The following ANO10 variants were observed in gnomAD, a reference collection of about 807,000 sequenced individuals.
ANO10 encodes anoctamin-10.
A neutral mutation model predicts 74.7 loss-of-function variants in ANO10; 77 were observed. The observed-to-expected ratio is 1.03, with a 90% CI of 0.86 to 1.25. The LOEUF (loss-of-function observed/expected upper bound fraction) is 1.25. Ranked by LOEUF, ANO10 falls within the 50% of genes most tolerant of loss-of-function variation. The pLI is 0.00. For synonymous variants in ANO10, 279 were observed against 284.9 expected, an observed-to-expected ratio of 0.98 and a Z score of 0.21; for missense variants, 721 against 778.1, an observed-to-expected ratio of 0.93 and a Z score of 0.87.
chr3:43,560,758 A>G (rs528291367), intron 9 of ANO10, among the ~76,000 whole-genome samples: 148 of 152,320 alleles, frequency 9.7e-4, no homozygotes, highest in Middle Eastern at 3.4e-3. Flanking sequence ...GAACTGTTTT[A>G]TATTTATACA....
chr3:43,660,896 T>C (rs995300531), intron 1 of ANO10, among the ~76,000 whole-genome samples: 1 of 152,078 alleles, frequency 6.6e-6, no homozygotes, highest in Non-Finnish European at 1.5e-5. Flanking sequence ...GGAGGTTGCG[T>C]TGAGCCGAGA....
intron 11 of ANO10, among the ~76,000 whole-genome samples, chr3:43,469,852 A>G (rs1268041098): frequency 6.6e-6 from 1 of 152,058 alleles, no homozygotes; most frequent in Non-Finnish European, 1.5e-5. Flanking sequence ...TCTTTCTTAG[A>G]TAGACAGGAA....
intron 11 of ANO10, among the ~76,000 whole-genome samples, chr3:43,443,871 C>A (rs1025165213): frequency 6.6e-6 from 1 of 151,514 alleles, no homozygotes; most frequent in Non-Finnish European, 1.5e-5. Flanking sequence ...TTAGTAGAGA[C>A]GGGTTTCACC....
At chr3:43,683,282 C>T (rs916821250) in intron 1 of ANO10, among the ~76,000 whole-genome samples, 9 of 152,086 alleles carry the variant, frequency 5.9e-5, no homozygotes, top group Admixed American at 2.6e-4. Flanking sequence ...TCTTATACAC[C>T]AATAACAGAC....
chr3:43,580,315 C>T (rs1456058765), intron 5 of ANO10, 38 bp downstream of exon 5: 1 of 1,612,662 alleles, frequency 6.2e-7, no homozygotes, highest in African/African-American at 1.3e-5. Flanking sequence ...TCATCAGAGG[C>T]CTTCCTCTTC....
chr3:43,679,067 G>A lies in ANO10; in HGVS notation c.-12+12450C>T, dbSNP rs367990447. Among the ~76,000 whole-genome samples, 14 of 152,240 alleles carry A rather than the reference G, an allele frequency of 9.2e-5. No individual in the cohort carries two copies. In the East Asian group the frequency reaches 1.6e-3, roughly 17 times the overall value. On this transcript the variant is annotated intron_variant, in intron 1 of 3. Coordinates refer to the ANO10 transcript ENST00000413397. ...TTCCAACTGAGGTACCGGGTTTATC[G>A]CACTGGGGAGTGTCGGACAGTGGGT...
At chr3:43,442,253 A>G (rs1416011649) in intron 11 of ANO10, among the ~76,000 whole-genome samples, 1 of 152,062 alleles carries the variant, frequency 6.6e-6, no homozygotes, top group African/African-American at 2.4e-5. Flanking sequence ...GGATTACATT[A>G]TTTTAAATGT....
At chr3:43,474,079 CT>C (rs1030954212) in intron 11 of ANO10, among the ~76,000 whole-genome samples, 2 of 152,088 alleles carry the variant, frequency 1.3e-5, no homozygotes, top group African/African-American at 2.4e-5. Flanking sequence ...TAACAGAGGC[CT>C]TTTTGGTTTT....
chr3:43,536,931 T>G (rs1485587952), intron 11 of ANO10, among the ~76,000 whole-genome samples: 1 of 151,020 alleles, frequency 6.6e-6, no homozygotes, highest in Non-Finnish European at 1.5e-5. Context: ...CACTTTCAGT[T>G]TTAATAAATG....
In ANO10 at chr3:43,404,900, C is replaced by CA. The variant is rs1400365848; in HGVS notation, c.1914+27710dup. ...TCAAAAAAAAAAAAAAAAAAACCAC[C>CA]AAAAAACAGAAAGGAAAAGAAAAAA... On this transcript the variant is annotated intron_variant, in intron 12 of 12. Transcript: ENST00000292246. 5.8e-5 allele frequency among the ~76,000 whole-genome samples: 8 copies of CA among 138,768 alleles called. No individual in the cohort carries two copies. The East Asian group carries it at 8.2e-4, about 14-fold the overall frequency. The allele number at this position is 138,768 out of a possible 152,430, so 91.0% of individuals were successfully genotyped here.
At position 43,462,184 on chromosome 3, in the gene ANO10, A is replaced by C. The variant is rs149270455; in HGVS notation, c.1798-29457T>G. 8.5e-3 allele frequency among the ~76,000 whole-genome samples: 1,288 copies of C among 152,274 alleles called. 14 individuals carry two copies. Among genetic ancestry groups the C allele is most frequent in the Non-Finnish European group, 0.014 (924 of 68,024 alleles). ...TGGTGGAAGAAATTTCTAAGCAGCA[A>C]AGCATTCAACAGGTGACTTGGGTGC... On this transcript the variant is annotated intron_variant, in intron 11 of 12. Coordinates refer to ENST00000292246, the MANE Select transcript of ANO10 (RefSeq NM_018075.5).
rs114103769 is a variant in ANO10 at position 43,462,137 on chromosome 3, G to A, written c.1798-29410C>T. On this transcript the variant is annotated intron_variant, in intron 11 of 12. Transcript: ENST00000292246. ...TAGAAATTCATTTAACTTTGAGCTT[G>A]AGAGAGTTGATTTAGGGTATTTGGT... Among the ~76,000 whole-genome samples, 721 of 152,304 alleles carry A rather than the reference G, an allele frequency of 4.7e-3. 6 individuals carry two copies. Among genetic ancestry groups the A allele is most frequent in the African/African-American group, 0.017 (692 of 41,562 alleles).
intron 12 of ANO10, among the ~76,000 whole-genome samples, chr3:43,371,220 C>T (rs542080026): frequency 6.6e-6 from 1 of 152,158 alleles, no homozygotes; most frequent in Admixed American, 6.5e-5. Context: ...GAGCCCTTGG[C>T]TGAAGGATAG....
chr3:43,389,908 G>A (rs13080274), intron 12 of ANO10, among the ~76,000 whole-genome samples: 1 of 152,072 alleles, frequency 6.6e-6, no homozygotes, highest in East Asian at 1.9e-4. Flanking sequence ...GACGGAAATG[G>A]AACAAAACAA....
At chr3:43,623,758 C>CTTTTCA (rs1393715340), upstream of ANO10, among the ~76,000 whole-genome samples, 1 of 152,148 alleles carries the variant, frequency 6.6e-6, no homozygotes, top group Non-Finnish European at 1.5e-5. Flanking sequence ...TCTAGTCCTC[C>CTTTTCA]GATGCTATCA....
chr3:43,415,373 A>G (rs1252571058), intron 12 of ANO10, among the ~76,000 whole-genome samples: 1 of 152,058 alleles, frequency 6.6e-6, no homozygotes, highest in African/African-American at 2.4e-5. Context: ...AAAGACATGT[A>G]TACCTGATTC....
chr3:43,385,068 C>T (rs2092076851), intron 12 of ANO10, among the ~76,000 whole-genome samples: 1 of 151,806 alleles, frequency 6.6e-6, no homozygotes, highest in African/African-American at 2.4e-5. Context: ...GAATTCAAAT[C>T]AGCAAGAAAA....
chr3:43,483,401 C>T (rs2076345538), intron 11 of ANO10, among the ~76,000 whole-genome samples: 1 of 152,094 alleles, frequency 6.6e-6, no homozygotes, highest in South Asian at 2.1e-4. Flanking sequence ...TCAGAGGAGC[C>T]AAGCTGCTAG....
intron 12 of ANO10, among the ~76,000 whole-genome samples, chr3:43,393,507 T>C (rs1054594367): frequency 3.3e-5 from 5 of 152,272 alleles, no homozygotes; most frequent in Non-Finnish European, 5.9e-5. Context: ...CTAAAGATGA[T>C]ACACGTACGC....
Sources: gnomAD v4.1 joint callset for allele counts (sites outside exome capture counted in the v4.1 genomes callset) on GRCh38, gnomAD v4.1.1 for gene constraint, MANE v1.5 for transcripts, NCBI Gene and HGNC (gene_info 2026-07-23, HGNC 2026-07-21) for gene names.